Variants in ATP11B observed in about 807,000 individuals in gnomAD.
The protein encoded by ATP11B is ATPase phospholipid transporting 11B (putative), also known as phospholipid-transporting ATPase IF.
A neutral mutation model predicts 157.8 loss-of-function variants in ATP11B; 81 were observed. The observed-to-expected ratio is 0.51, with a 90% CI of 0.43 to 0.62. The LOEUF is 0.62. ATP11B is among the 20% of genes least tolerant of loss of function. ATP11B has a pLI of 0.00. For synonymous variants in ATP11B, 451 were observed against 469.4 expected, an observed-to-expected ratio of 0.96 and a Z score of 0.51; for missense variants, 1,165 against 1,402.2, an observed-to-expected ratio of 0.83 and a Z score of 2.70.
At chr3:182,905,108 G>A (rs1277779781) in intron 28 of ATP11B, among the ~76,000 whole-genome samples, 1 of 151,988 alleles carries the variant, frequency 6.6e-6, no homozygotes, top group Non-Finnish European at 1.5e-5. Flanking sequence ...ATCTTTCATA[G>A]AAATAATTAT....
intron 12 of ATP11B, among the ~76,000 whole-genome samples, chr3:182,864,197 A>G (rs1229232697): frequency 2.0e-5 from 3 of 152,086 alleles, no homozygotes; most frequent in Admixed American, 2.0e-4. Flanking sequence ...AGGTCATATC[A>G]TGTGCAAATG....
chr3:182,867,320 G>T (rs1721316573), intron 14 of ATP11B, 56 bp from the exon 15 acceptor site: 2 of 994,116 alleles, frequency 2.0e-6, no homozygotes, highest in Admixed American at 1.9e-5. Flanking sequence ...TAGTGACATT[G>T]TGAAATATGC....
rs573257220 is a variant in ATP11B at position 182,921,305 on chromosome 3, G to T, written c.*3201G>T. The T allele has an allele frequency of 2.7e-4, 41 of 152,088 alleles. No individual in the cohort carries two copies. Among genetic ancestry groups the T allele is most frequent in the African/African-American group, 9.2e-4 (38 of 41,386 alleles). The allele number at this position is 152,088 out of a possible 1,614,324, so 9.4% of individuals were successfully genotyped here. On this transcript the variant is annotated 3_prime_UTR_variant, in exon 30 of 30. Coordinates refer to ENST00000323116, the MANE Select transcript of ATP11B (RefSeq NM_014616.3). Reference sequence around the variant, plus strand: ...AGACATTTTATTTCTATTTTGAAATGAGTTATCTATTTTCATAAAAGTAAA... The same window carrying T: ...AGACATTTTATTTCTATTTTGAAATTAGTTATCTATTTTCATAAAAGTAAA...
intron 8 of ATP11B, chr3:182,843,433 G>A (rs1282464072): frequency 6.6e-6 from 1 of 152,190 alleles, no homozygotes; most frequent in Admixed American, 6.5e-5. Context: ...TATGAAAAAT[G>A]TTTTATATGA....
chr3:182,871,911 G>A (rs1721689260), intron 17 of ATP11B, among the ~76,000 whole-genome samples: 1 of 152,014 alleles, frequency 6.6e-6, no homozygotes, highest in Admixed American at 6.5e-5. Flanking sequence ...CACCTCCCGG[G>A]TTCACGCCAT....
rs762304262 is a variant in ATP11B at position 182,859,362 on chromosome 3, G to A, written c.1200+3G>A. ...ATCTGAATGAAGAGCTTGGACAGGT[G>A]AAAATGATCCTAATATTTTGTTTCT... On this transcript the variant is annotated splice_donor_region_variant and intron_variant, in intron 12 of 29. Coordinates refer to ENST00000323116, the MANE Select transcript of ATP11B (RefSeq NM_014616.3). 8 of 1,561,352 alleles carry A rather than the reference G, an allele frequency of 5.1e-6. No individual in the cohort carries two copies. In the South Asian group the frequency reaches 8.5e-5, roughly 17 times the overall value.
rs1236661656 is a variant in ATP11B, at chr3:182,918,380, T to C, written c.*276T>C. ...TCCCTTGTGCTTATGGGACTCCTAA[T>C]GGCATTTCAGTCTGTTGCTGAGGCC... On this transcript the variant is annotated 3_prime_UTR_variant, in exon 30 of 30. Coordinates refer to ENST00000323116, the MANE Select transcript of ATP11B (RefSeq NM_014616.3). 2.4e-6 allele frequency: 1 copy of C among 408,270 alleles called. No individual in the cohort carries two copies. Among genetic ancestry groups the C allele is most frequent in the Admixed American group, 4.3e-5 (1 of 23,294 alleles). The allele number at this position is 408,270 out of a possible 1,614,324, so 25.3% of individuals were successfully genotyped here.
At chr3:182,887,817 T>C in intron 24 of ATP11B, 104 bp downstream of exon 24, 1 of 1,203,696 alleles carries the variant, frequency 8.3e-7, no homozygotes, top group Non-Finnish European at 1.2e-6. Flanking sequence ...GGAAAGTTCT[T>C]TAGTTGTCGT....
rs965650331 is a variant in ATP11B, at chr3:182,873,295, A to C, written c.2049-517A>C. The stretch of plus-strand genomic sequence containing the variant: ...GTTTGTTGTTATGTTTGCCTCCACC[A>C]CCTAGACCTAAGGGTGTTTGCATAT... On this transcript the variant is annotated intron_variant, in intron 18 of 29. Transcript: ENST00000323116. Among the ~76,000 whole-genome samples the C allele has an allele frequency of 8.5e-5, 13 of 152,148 alleles. No individual in the cohort carries two copies. In the East Asian group the frequency reaches 2.5e-3, roughly 29 times the overall value.
chr3:182,842,223 A>G, intron 8 of ATP11B, 101 bp downstream of exon 8: 1 of 805,122 alleles, frequency 1.2e-6, no homozygotes. Context: ...GCAGCCCATC[A>G]TGGGAAAGGG....
intron 7 of ATP11B, among the ~76,000 whole-genome samples, chr3:182,841,536 T>C (rs751234260): frequency 3.3e-5 from 5 of 152,222 alleles, no homozygotes; most frequent in Admixed American, 6.5e-5. Flanking sequence ...TGAAAACATT[T>C]ATTCATTACC....
chr3:182,828,119 G>C lies in ATP11B; in HGVS notation c.145-1G>C. 1 of 1,351,542 alleles carries C rather than the reference G, an allele frequency of 7.4e-7. No homozygotes were observed. Among genetic ancestry groups the C allele is most frequent in the Non-Finnish European group, 1.0e-6 (1 of 994,970 alleles). 83.7% of individuals were successfully genotyped at this position (1,351,542 alleles called of 1,614,324 possible). A position where few individuals can be genotyped will look rare whatever the true frequency, so the allele number is the denominator to read the frequency against. On this transcript the variant is annotated splice_acceptor_variant, in intron 2 of 29. Coordinates refer to ENST00000323116, the MANE Select transcript of ATP11B (RefSeq NM_014616.3). LOFTEE classifies it high-confidence loss of function. Reference sequence around the variant, plus strand: ...TAATTTATTGATCTCTTTCTTTTTAGTACACTGTGTGGAATTTTGTTCCAA... The same window carrying C: ...TAATTTATTGATCTCTTTCTTTTTACTACACTGTGTGGAATTTTGTTCCAA...
rs575580521 is a variant in ATP11B at position 182,879,243 on chromosome 3, G to A, written c.2253-253G>A. ...ACTATACTCCAGCCTGGGTGACAGA[G>A]CAAGACCCTGTTTCACAAAAAAGAG... On this transcript the variant is annotated intron_variant, in intron 19 of 29. Coordinates refer to ENST00000323116, the MANE Select transcript of ATP11B (RefSeq NM_014616.3). Among the ~76,000 whole-genome samples the A allele has an allele frequency of 3.3e-4, 50 of 152,298 alleles. 1 individual carries two copies. The highest frequency in any genetic ancestry group is 1.2e-3 in the African/African-American group (50 of 41,566).
intron 29 of ATP11B, chr3:182,914,488 C>CTGTA (rs1725014852): frequency 1.0e-6 from 1 of 984,884 alleles, no homozygotes; most frequent in African/African-American, 1.7e-5. Flanking sequence ...ACACAAAAGG[C>CTGTA]TGTATTTCTG....
intron 29 of ATP11B, chr3:182,915,669 A>G: frequency 1.1e-5 from 11 of 971,896 alleles, no homozygotes; most frequent in Non-Finnish European, 1.3e-5. Flanking sequence ...TTTCTGCTAT[A>G]TACATATATC....
At chr3:182,897,127 A>T (rs974893236) in intron 26 of ATP11B, among the ~76,000 whole-genome samples, 176 bp from the exon 27 acceptor site, 1 of 151,994 alleles carries the variant, frequency 6.6e-6, no homozygotes, top group Non-Finnish European at 1.5e-5. Flanking sequence ...ACTTGAAATT[A>T]TTTCATTTTA....
At chr3:182,912,480 C>T (rs948033078) in intron 28 of ATP11B, among the ~76,000 whole-genome samples, 1 of 150,920 alleles carries the variant, frequency 6.6e-6, no homozygotes, top group African/African-American at 2.4e-5. Context: ...CTGTAAATAT[C>T]TTACAAAACA....
chr3:182,828,299 A>C, intron 3 of ATP11B, 90 bp downstream of exon 3: 1 of 627,258 alleles, frequency 1.6e-6, no homozygotes, highest in Middle Eastern at 2.7e-4. Flanking sequence ...GTTGCTAATC[A>C]TTTGACCATG....
chr3:182,817,010 T>G (rs1445028604), intron 1 of ATP11B, among the ~76,000 whole-genome samples: 2 of 152,142 alleles, frequency 1.3e-5, no homozygotes, highest in East Asian at 1.9e-4. Flanking sequence ...TATATTAAAT[T>G]TACCTATTTT....
Sources: allele counts gnomAD v4.1 joint callset (sites outside exome capture counted in the v4.1 genomes callset), GRCh38; gene constraint gnomAD v4.1.1; transcripts MANE v1.5; gene names NCBI Gene and HGNC (gene_info 2026-07-23, HGNC 2026-07-21).